NALF1: variants seen among roughly 807,000 people sequenced by gnomAD.
NALF1 encodes the protein family with sequence similarity 155 member A.
A neutral mutation model predicts 48.4 loss-of-function variants in NALF1; 3 were observed. The ratio of observed to expected loss-of-function variants is 0.06; its 90% CI spans 0.03 to 0.16. The LOEUF (loss-of-function observed/expected upper bound fraction) is 0.16, where lower values mean the gene tolerates loss of function less well. Ranked by LOEUF, NALF1 falls within the 10% of genes least tolerant of loss-of-function variation. The pLI, the probability that NALF1 is intolerant of heterozygous loss-of-function variation, is 1.00. For missense variants in NALF1, 526 were observed against 571.5 expected (o/e 0.92, Z 0.81); for synonymous variants, 262 against 245.7 (o/e 1.07, Z -0.62).
intron 1 of NALF1, among the ~76,000 whole-genome samples, chr13:107,406,673 AAC>A (rs1291689996): frequency 6.6e-6 from 1 of 151,958 alleles, no homozygotes; most frequent in African/African-American, 2.4e-5. Context: ...AAATAGAAAA[AAC>A]AGTCCTAAAA....
At chr13:107,495,219 G>A (rs956031434) in intron 1 of NALF1, among the ~76,000 whole-genome samples, 2 of 151,692 alleles carry the variant, frequency 1.3e-5, no homozygotes, top group African/African-American at 4.8e-5. Context: ...GATTTCATCA[G>A]ATACTACAAA....
In NALF1 at chr13:107,169,863, T is replaced by C. The variant is rs533861409; in HGVS notation, c.*634A>G. On this transcript the variant is annotated 3_prime_UTR_variant, in exon 3 of 3. Transcript: ENST00000375915. ...CAGAAGCAAGCGGATGTTGTTTGCT[T>C]AGGGGACGAGAAGAGGGCGAGGGAA... 2 of 152,844 alleles carry C rather than the reference T, an allele frequency of 1.3e-5. No individual in the cohort carries two copies. Among genetic ancestry groups the C allele is most frequent in the South Asian group, 2.1e-4 (1 of 4,812 alleles). The allele number at this position is 152,844 out of a possible 1,614,324, so 9.5% of individuals were successfully genotyped here.
intron 1 of NALF1, among the ~76,000 whole-genome samples, chr13:107,471,249 T>G (rs1369906438): frequency 6.6e-6 from 1 of 151,544 alleles, no homozygotes; most frequent in African/African-American, 2.5e-5. Context: ...TTGGCAATTT[T>G]TAAAAATGCG....
chr13:107,263,291 C>CACACA (rs1491523793), intron 1 of NALF1, among the ~76,000 whole-genome samples: 1 of 147,160 alleles, frequency 6.8e-6, no homozygotes, highest in Non-Finnish European at 1.5e-5. Context: ...CACACACACA[C>CACACA]ATCTCAGTGG....
intron 1 of NALF1, among the ~76,000 whole-genome samples, chr13:107,429,037 G>A (rs559292283): frequency 6.6e-6 from 1 of 152,228 alleles, no homozygotes; most frequent in South Asian, 2.1e-4. Context: ...AAAGAAAAGA[G>A]ATTAGCCGGG....
intron 1 of NALF1, among the ~76,000 whole-genome samples, chr13:107,263,937 G>A (rs1880987470): frequency 6.6e-6 from 1 of 152,124 alleles, no homozygotes; most frequent in African/African-American, 2.4e-5. Context: ...CACAGCAATA[G>A]CTGATGCCAA....
chr13:107,645,385 T>G (rs770536741), intron 1 of NALF1, among the ~76,000 whole-genome samples: 2 of 152,178 alleles, frequency 1.3e-5, no homozygotes, highest in African/African-American at 4.8e-5. Flanking sequence ...GTTCACCTTT[T>G]CATCCCCAGA....
chr13:107,393,914 G>T (rs1429232668), intron 1 of NALF1, among the ~76,000 whole-genome samples: 1 of 152,092 alleles, frequency 6.6e-6, no homozygotes, highest in Non-Finnish European at 1.5e-5. Flanking sequence ...AAATGAGAAA[G>T]AAATGAAGAG....
At chr13:107,323,971 T>A (rs1882303676) in intron 1 of NALF1, among the ~76,000 whole-genome samples, 1 of 151,956 alleles carries the variant, frequency 6.6e-6, no homozygotes, top group Admixed American at 6.6e-5. Context: ...TTAGCCGGCA[T>A]GGTGATGTGT....
chr13:107,695,235 G>C (rs959705536), intron 1 of NALF1, among the ~76,000 whole-genome samples: 1 of 152,134 alleles, frequency 6.6e-6, no homozygotes, highest in African/African-American at 2.4e-5. Context: ...AATCAGAAAA[G>C]CACCTATCCT....
At chr13:107,689,145 G>T (rs1400428259) in intron 1 of NALF1, among the ~76,000 whole-genome samples, 1 of 152,138 alleles carries the variant, frequency 6.6e-6, no homozygotes, top group Admixed American at 6.5e-5. Flanking sequence ...CCTGCCCGGA[G>T]TCACAGCGGT....
intron 1 of NALF1, among the ~76,000 whole-genome samples, chr13:107,536,927 G>T (rs1482024430): frequency 6.6e-6 from 1 of 152,174 alleles, no homozygotes; most frequent in African/African-American, 2.4e-5. Flanking sequence ...CATGTCCTTT[G>T]TAGGGACATG....
intron 1 of NALF1, among the ~76,000 whole-genome samples, chr13:107,462,758 G>A (rs905328903): frequency 8.5e-5 from 13 of 152,204 alleles, no homozygotes; most frequent in Admixed American, 2.6e-4. Flanking sequence ...TGTGGGTGTT[G>A]TCTCACTGCA....
intron 1 of NALF1, among the ~76,000 whole-genome samples, chr13:107,358,161 G>A (rs532474112): frequency 1.4e-4 from 19 of 134,176 alleles, no homozygotes; most frequent in South Asian, 5.1e-4. Context: ...TTTTATATAC[G>A]TAACATATGT....
intron 1 of NALF1, among the ~76,000 whole-genome samples, chr13:107,552,801 T>G (rs925818448): frequency 6.6e-6 from 1 of 152,182 alleles, no homozygotes; most frequent in Admixed American, 6.6e-5. Flanking sequence ...GTACTTAGAA[T>G]ATGGTTGACA....
intron 1 of NALF1, among the ~76,000 whole-genome samples, chr13:107,717,798 C>A (rs1169725065): frequency 6.6e-6 from 1 of 152,186 alleles, no homozygotes; most frequent in African/African-American, 2.4e-5. Context: ...TTTATCCTTT[C>A]CTGATCTTAG....
At chr13:107,663,536 T>G (rs1880781521) in intron 1 of NALF1, among the ~76,000 whole-genome samples, 1 of 152,200 alleles carries the variant, frequency 6.6e-6, no homozygotes, top group South Asian at 2.1e-4. Flanking sequence ...TTTTCATGTG[T>G]TTTGTTTTGT....
intron 1 of NALF1, among the ~76,000 whole-genome samples, chr13:107,433,596 A>G (rs1884417697): frequency 6.6e-6 from 1 of 152,080 alleles, no homozygotes; most frequent in South Asian, 2.1e-4. Context: ...TAATAAAAAA[A>G]GAAAGATAAT....
chr13:107,735,953 T>C (rs1317055804), intron 1 of NALF1, among the ~76,000 whole-genome samples: 1 of 152,206 alleles, frequency 6.6e-6, no homozygotes, highest in Non-Finnish European at 1.5e-5. Flanking sequence ...CTCTGAGTTA[T>C]ATGCTTCTCT....
Sources: allele counts gnomAD v4.1 joint callset (sites outside exome capture counted in the v4.1 genomes callset), GRCh38; gene constraint gnomAD v4.1.1; transcripts MANE v1.5; gene names NCBI Gene and HGNC (gene_info 2026-07-23, HGNC 2026-07-21).